The following SERBP1 variants were observed in gnomAD, a reference collection of about 807,000 sequenced individuals.
SERBP1 encodes the protein SERPINE1 mRNA-binding protein 1.
A neutral mutation model predicts 50.2 loss-of-function variants in SERBP1; 6 were observed. That is an observed-to-expected ratio of 0.12 (90% CI 0.07 to 0.24). SERBP1 has a LOEUF of 0.24. SERBP1 is among the 10% of genes least tolerant of loss of function. The probability of loss-of-function intolerance (pLI) is 1.00; values close to 1 mark genes in which losing one functional copy is unlikely to be tolerated. For synonymous variants in SERBP1, 168 were observed against 182.8 expected (o/e 0.92, Z 0.65); for missense variants, 346 against 524.9 (o/e 0.66, Z 3.33).
chr1:67,424,832 G>T, intron 4 of SERBP1, 56 bp downstream of exon 4: 2 of 1,293,998 alleles, frequency 1.5e-6, no homozygotes, highest in Non-Finnish European at 2.2e-6. Context: ...ATTTGACAGA[G>T]GTATGGATTA....
At chr1:67,420,320 C>T (rs1667160569) in intron 5 of SERBP1, 134 bp from the exon 6 acceptor site, 1 of 780,394 alleles carries the variant, frequency 1.3e-6, no homozygotes, top group Admixed American at 3.2e-5. Context: ...ATGAGGGTAC[C>T]CTAGTTTCCT....
At chr1:67,427,472 C>T (rs770698081) in intron 1 of SERBP1, among the ~76,000 whole-genome samples, 1 of 152,140 alleles carries the variant, frequency 6.6e-6, no homozygotes, top group South Asian at 2.1e-4. Context: ...AGTAGAACAC[C>T]ATCAAGACAC....
Position 67,424,997 on chromosome 1 carries a change from A to G in SERBP1, c.606-20T>C. ...AAAGAACTAACAAAACTGAGTTAACATAATACTCTTTAGTTCTAGAAATTC... is the reference window on the plus strand; with the variant it reads ...AAAGAACTAACAAAACTGAGTTAACGTAATACTCTTTAGTTCTAGAAATTC... On this transcript the variant is annotated intron_variant, in intron 3 of 7. Coordinates refer to ENST00000361219, the MANE Select transcript of SERBP1 (RefSeq NM_001018069.2). The G allele has an allele frequency of 6.2e-7, 1 of 1,609,450 alleles. No individual in the cohort carries two copies. The highest frequency in any genetic ancestry group is 8.5e-7 in the Non-Finnish European group (1 of 1,177,590).
intron 6 of SERBP1, among the ~76,000 whole-genome samples, chr1:67,418,628 G>T (rs1268141592): frequency 6.6e-6 from 1 of 151,990 alleles, no homozygotes; most frequent in African/African-American, 2.4e-5. Context: ...GCATGGTGGC[G>T]AGTGTCCGTA....
In SERBP1 at chr1:67,408,228, A is replaced by ATT. The variant is rs1464311097; in HGVS notation, c.*4977_*4978dup. On this transcript the variant is annotated 3_prime_UTR_variant, in exon 8 of 8. Transcript: ENST00000361219. The stretch of plus-strand genomic sequence containing the variant: ...TAGTATGAACCAATTATCTAAATAG[A>ATT]TTTCTAAAAGTCCATAATGAATCAG... 2 of 152,272 alleles carry ATT rather than the reference A, an allele frequency of 1.3e-5. No homozygotes were observed. The highest frequency in any genetic ancestry group is 1.9e-4 in the East Asian group (1 of 5,192). 9.4% of individuals were successfully genotyped at this position (152,272 alleles called of 1,614,324 possible).
At chr1:67,424,548 C>A in intron 4 of SERBP1, 1 of 495,528 alleles carries the variant, frequency 2.0e-6, no homozygotes, top group Non-Finnish European at 3.5e-6. Context: ...GCTTTACTAG[C>A]TTATCAAATT....
chr1:67,429,451 C>G (rs896458929), intron 1 of SERBP1: 2 of 152,640 alleles, frequency 1.3e-5, no homozygotes, highest in African/African-American at 2.4e-5. Flanking sequence ...GCTTACTCCA[C>G]ACGTCTGATG....
In SERBP1 at chr1:67,422,439, G is replaced by A. The variant is rs563432715; in HGVS notation, c.773+1761C>T. Among the ~76,000 whole-genome samples the A allele has an allele frequency of 1.0e-3, 159 of 151,718 alleles. 2 individuals are homozygous for A. Among genetic ancestry groups the A allele is most frequent in the Middle Eastern group, 6.8e-3 (2 of 294 alleles). On this transcript the variant is annotated intron_variant, in intron 5 of 7. Coordinates refer to ENST00000361219, the MANE Select transcript of SERBP1 (RefSeq NM_001018069.2). ...GCAGGAGAATTGCTTGAACCCTGGA[G>A]GCAGAGGTTGCAGTGAGCCGAGATC...
intron 5 of SERBP1, among the ~76,000 whole-genome samples, chr1:67,422,220 G>C (rs1443131260): frequency 6.6e-6 from 1 of 151,968 alleles, no homozygotes; most frequent in Admixed American, 6.6e-5. Context: ...TCTTTCTGAA[G>C]AAAAGAAAAA....
At chr1:67,413,350 A>G (rs954805743) in intron 7 of SERBP1, 87 bp from the exon 8 acceptor site, 2 of 1,254,306 alleles carry the variant, frequency 1.6e-6, no homozygotes, top group Non-Finnish European at 2.2e-6. Context: ...ACAGAACTCT[A>G]AAAAAATCTT....
At chr1:67,429,168 C>T (rs1276030423) in intron 1 of SERBP1, among the ~76,000 whole-genome samples, 19 of 152,118 alleles carry the variant, frequency 1.2e-4, no homozygotes, top group Admixed American at 1.2e-3. Context: ...GCTGTGACAG[C>T]CTCTGCACTC....
At chr1:67,426,317 T>C in intron 1 of SERBP1, 32 bp from the exon 2 acceptor site, 1 of 1,540,918 alleles carries the variant, frequency 6.5e-7, no homozygotes. Flanking sequence ...CATAAGCAAA[T>C]TATTTTTGCA....
chr1:67,413,532 C>T (rs890267337), intron 7 of SERBP1, among the ~76,000 whole-genome samples: 25 of 151,854 alleles, frequency 1.6e-4, no homozygotes, highest in Non-Finnish European at 1.5e-4. Context: ...CACCTGTGAT[C>T]CCACTACTCA....
chr1:67,417,728 G>C (rs1200408055), intron 6 of SERBP1, among the ~76,000 whole-genome samples: 1 of 151,904 alleles, frequency 6.6e-6, no homozygotes, highest in Non-Finnish European at 1.5e-5. Flanking sequence ...ACCCAGGCTG[G>C]TCTCAAACTT....
chr1:67,429,684 G>A (rs1277013472), intron 1 of SERBP1: 2 of 285,514 alleles, frequency 7.0e-6, no homozygotes, highest in African/African-American at 2.2e-5. Flanking sequence ...CGGCGGGAAG[G>A]CAACAGCCTC....
At chr1:67,418,969 T>C (rs1667118173) in intron 6 of SERBP1, among the ~76,000 whole-genome samples, 1 of 152,188 alleles carries the variant, frequency 6.6e-6, no homozygotes. Flanking sequence ...TAGTTAGGGC[T>C]TGTATGAGTT....
rs1321086854 is a variant in SERBP1 at position 67,424,327 on chromosome 1, G to GGAAA, written c.696-54_696-51dup. The GGAAA allele has an allele frequency of 3.2e-6, 5 of 1,583,704 alleles. No individual in the cohort carries two copies. The African/African-American group carries it at 5.5e-5, about 17-fold the overall frequency. On this transcript the variant is annotated intron_variant, in intron 4 of 7. Coordinates refer to ENST00000361219, the MANE Select transcript of SERBP1 (RefSeq NM_001018069.2). ...TGAATGTATTTGGGGGACTCTCTAA[G>GGAAA]GAAAGAAAGAAAAAGAAAGGCATCT...
rs1264513977 is a variant in SERBP1 at position 67,411,101 on chromosome 1, GAA to G, written c.*2104_*2105del. The G allele has an allele frequency of 1.3e-5, 2 of 152,186 alleles. No individual in the cohort carries two copies. The highest frequency in any genetic ancestry group is 4.8e-5 in the African/African-American group (2 of 41,540). 9.4% of individuals were successfully genotyped at this position (152,186 alleles called of 1,614,324 possible). Reference sequence around the variant, plus strand: ...TTTCAGTTATTACCCACCAATAAGAGAAAGTTAGGTTCACAGTTTTAGCTCTT... The same window carrying G: ...TTTCAGTTATTACCCACCAATAAGAGAGTTAGGTTCACAGTTTTAGCTCTT... On this transcript the variant is annotated 3_prime_UTR_variant, in exon 8 of 8. Transcript: ENST00000361219.
chr1:67,429,228 G>T (rs1405040784), intron 1 of SERBP1, among the ~76,000 whole-genome samples: 1 of 152,184 alleles, frequency 6.6e-6, no homozygotes, highest in African/African-American at 2.4e-5. Flanking sequence ...TCAGTTTGGG[G>T]AGTCGAGAGA....
Sources: allele counts gnomAD v4.1 joint callset (sites outside exome capture counted in the v4.1 genomes callset), GRCh38; gene constraint gnomAD v4.1.1; transcripts MANE v1.5; gene names NCBI Gene and HGNC (gene_info 2026-07-23, HGNC 2026-07-21).